MAP3K13: variants seen among roughly 807,000 people sequenced by gnomAD.
MAP3K13 encodes the protein leucine zipper-bearing kinase.
Under a neutral mutation model 104.0 loss-of-function variants are expected in MAP3K13, and 52 were observed. That is an observed-to-expected ratio of 0.50 (90% CI 0.40 to 0.63). The LOEUF is 0.63. MAP3K13 is among the 20% of genes least tolerant of loss of function. The pLI is 0.00. For synonymous variants in MAP3K13, 394 were observed against 442.2 expected (o/e 0.89, Z 1.37); for missense variants, 914 against 1,218.5 (o/e 0.75, Z 3.72).
rs530394848 is a variant in MAP3K13, at chr3:185,376,881, A to T, written c.-86+13513A>T. On this transcript the variant is annotated intron_variant, in intron 1 of 13. Coordinates refer to ENST00000265026, the MANE Select transcript of MAP3K13 (RefSeq NM_004721.5). ...AAGAAATTTGGGTTTGACTAAAGTA[A>T]TGGGGGCTGTCTGTGAAGCCTTGTG... Among the ~76,000 whole-genome samples the T allele has an allele frequency of 4.7e-4, 71 of 152,282 alleles. No homozygotes were observed. In the Middle Eastern group the frequency reaches 0.01, roughly 22 times the overall value.
intron 2 of MAP3K13, chr3:185,292,875 T>C (rs770711382): frequency 1.5e-5 from 15 of 984,112 alleles, no homozygotes; most frequent in Admixed American, 6.1e-5. Context: ...ATGGGAGTTA[T>C]AGATTATAAC....
At chr3:185,428,466 T>G in intron 1 of MAP3K13, 31 bp from the exon 2 acceptor site, 1 of 1,370,872 alleles carries the variant, frequency 7.3e-7, no homozygotes, top group Non-Finnish European at 9.7e-7. Context: ...AAAGAAAGGA[T>G]GATCTCTTAT....
At position 185,473,761 on chromosome 3, in the gene MAP3K13, G is replaced by T; in HGVS notation, c.2430G>T (p.Lys810Asn). Residue 810 changes from lysine (K) to asparagine (N), a missense_variant and splice_region_variant, in exon 11 of 14, where the codon AAG (lysine) becomes AAT (asparagine). Transcript: ENST00000265026. The surrounding 1 kb of genome is among the most constrained non-coding windows in gnomAD (Gnocchi z 4.9). ...CTCGAAAAACAAGGCCTCTGCAGAA[G>T]GTAAAGTGTAATGATGAGAGTGGCC... ...ALPRKTRPLQKSGDDSSEEEE... is the reference protein window; with the variant it reads ...ALPRKTRPLQNSGDDSSEEEE... 1 of 1,611,374 alleles carries T rather than the reference G, an allele frequency of 6.2e-7. No homozygotes were observed.
At chr3:185,414,439 C>T (rs1032666749) in intron 1 of MAP3K13, among the ~76,000 whole-genome samples, 4 of 152,176 alleles carry the variant, frequency 2.6e-5, no homozygotes, top group Admixed American at 6.5e-5. Flanking sequence ...CTCTTACAAA[C>T]TTATGAGACT....
rs56315431 is a variant in MAP3K13 at position 185,443,580 on chromosome 3, T to C, written c.795T>C (p.Ser265=). Residue 265 remains serine (S), a synonymous_variant, in exon 4 of 14, where the codon AGT becomes AGC. Transcript: ENST00000265026. ...LLVDWSTGIA[S]GMNYLHLHKI... ...TAGACTGGTCCACAGGAATTGCAAG[T>C]GGAATGAATTATTTGCACCTCCATA... 4.3e-6 allele frequency: 7 copies of C among 1,614,030 alleles called. No homozygotes were observed. The East Asian group carries it at 1.1e-4, about 26-fold the overall frequency.
Position 185,482,346 on chromosome 3 carries a change from C to T in MAP3K13, c.2800-9C>T. On this transcript the variant is annotated splice_polypyrimidine_tract_variant and intron_variant, in intron 13 of 13. Coordinates refer to ENST00000265026, the MANE Select transcript of MAP3K13 (RefSeq NM_004721.5). The surrounding 1 kb of genome is among the most constrained non-coding windows in gnomAD (Gnocchi z 4.5). ...CGAAATGAATTAAGGTTTTGTCTTG[C>T]CTTTGCAGAACCCCATGCAGTTTGA... The T allele has an allele frequency of 6.3e-7, 1 of 1,599,984 alleles. No individual in the cohort carries two copies. Among genetic ancestry groups the T allele is most frequent in the Non-Finnish European group, 8.6e-7 (1 of 1,167,170 alleles).
chr3:185,378,162 C>T (rs1724529118), intron 1 of MAP3K13, among the ~76,000 whole-genome samples: 1 of 152,194 alleles, frequency 6.6e-6, no homozygotes, highest in Non-Finnish European at 1.5e-5. Flanking sequence ...TATTATTGTA[C>T]ACCTTGAAGG....
At chr3:185,303,559 G>A (rs1300980202) in intron 2 of MAP3K13, among the ~76,000 whole-genome samples, 2 of 151,256 alleles carry the variant, frequency 1.3e-5, no homozygotes, top group Non-Finnish European at 2.9e-5. Context: ...TAGGTTGTAT[G>A]TTTCTAGAAA....
Position 185,418,119 on chromosome 3 carries a change from G to A in MAP3K13, c.-85-10378G>A. 1 of 1,609,176 alleles carries A rather than the reference G, an allele frequency of 6.2e-7. No homozygotes were observed. Among genetic ancestry groups the A allele is most frequent in the Non-Finnish European group, 8.5e-7 (1 of 1,177,220 alleles). Reference sequence around the variant, plus strand: ...GAGTAATTCCAGGGATGTTTCTGAAGGCCTTGATGATACCATTATCCTCAT... The same window carrying A: ...GAGTAATTCCAGGGATGTTTCTGAAAGCCTTGATGATACCATTATCCTCAT... On this transcript the variant is annotated intron_variant, in intron 1 of 13. Transcript: ENST00000265026. This position sits in a 1 kb window ranked among gnomAD's most constrained non-coding sequence, Gnocchi z 4.5.
intron 7 of MAP3K13, among the ~76,000 whole-genome samples, chr3:185,454,513 ATG>A (rs1716182272): frequency 1.0e-5 from 1 of 99,672 alleles, no homozygotes; most frequent in East Asian, 2.5e-4. Context: ...TGAGATATAT[ATG>A]ATATATACCA....
chr3:185,453,553 G>C (rs925932987), intron 7 of MAP3K13, among the ~76,000 whole-genome samples: 5 of 151,700 alleles, frequency 3.3e-5, no homozygotes, highest in Non-Finnish European at 5.9e-5. Flanking sequence ...GGCAGATCAC[G>C]AGGTCAAGAG....
chr3:185,402,897 C>G (rs920197014), intron 1 of MAP3K13, among the ~76,000 whole-genome samples: 1 of 152,168 alleles, frequency 6.6e-6, no homozygotes, highest in Non-Finnish European at 1.5e-5. Flanking sequence ...TTCAATTCCC[C>G]CCTGGCTGAA....
In MAP3K13 at chr3:185,325,720, T is replaced by C. The variant is rs150397987; in HGVS notation, c.-86+40077T>C. ...TCAGGTTCAAGTGTTCCCTTGTCAA[T>C]CACATTCTGTCCTTTGGCTGCTGAA... is the stretch of plus-strand genomic sequence containing the variant. On this transcript the variant is annotated intron_variant, in intron 2 of 14. Coordinates refer to the MAP3K13 transcript ENST00000424227. Among the ~76,000 whole-genome samples, 319 of 152,300 alleles carry C rather than the reference T, an allele frequency of 2.1e-3. 1 individual carries two copies. Among genetic ancestry groups the C allele is most frequent in the African/African-American group, 7.0e-3 (291 of 41,560 alleles).
intron 8 of MAP3K13, 133 bp downstream of exon 8, chr3:185,463,792 AG>A: frequency 1.9e-6 from 1 of 533,794 alleles, no homozygotes; most frequent in South Asian, 3.5e-5. Flanking sequence ...GCTCTTTAAA[AG>A]TTGCCCCAAA....
chr3:185,473,620 T>C lies in MAP3K13; in HGVS notation c.2289T>C (p.His763=), dbSNP rs142938772. 3.6e-4 allele frequency: 575 copies of C among 1,614,200 alleles called. 2 individuals carry two copies. In the Middle Eastern group the frequency reaches 3.8e-3, roughly 11 times the overall value. ...RSPDLSKSPA[H]NPLLENAQSS... is the part of the protein sequence containing the mutation. ...CTGACCTTTCCAAGTCACCAGCACA[T>C]AATCCTCTCTTGGAAAACGCCCAGA... The change falls in exon 11 of 14, where the codon CAT becomes CAC. Residue 763 remains histidine (H), a synonymous_variant. Coordinates refer to ENST00000265026, the MANE Select transcript of MAP3K13 (RefSeq NM_004721.5). This position sits in a 1 kb window ranked among gnomAD's most constrained non-coding sequence, Gnocchi z 4.9.
In MAP3K13 at chr3:185,474,913, G is replaced by A. The variant is rs371450045; in HGVS notation, c.2430+1152G>A. 2.9e-3 allele frequency among the ~76,000 whole-genome samples: 443 copies of A among 152,118 alleles called. 1 individual carries two copies. Among genetic ancestry groups the A allele is most frequent in the African/African-American group, 0.01 (427 of 41,508 alleles). On this transcript the variant is annotated intron_variant, in intron 11 of 13. Transcript: ENST00000265026. ...AGTTCAAGACCAGCCTGGCCAGCAT[G>A]GTGAAATCCTATCTCTACCAAAAAT...
At chr3:185,444,343 A>AT (rs35036373) in intron 4 of MAP3K13, among the ~76,000 whole-genome samples, 122,416 of 151,496 alleles carry the variant, frequency 0.81, 50,722 homozygotes, top group East Asian at 0.91. Flanking sequence ...CTCAAAAAAA[A>AT]AATAATAAAA....
chr3:185,285,513 T>C, intron 1 of MAP3K13: 1 of 990,942 alleles, frequency 1.0e-6, no homozygotes. Context: ...CTTGAGGTTT[T>C]TAGTTTTGCA....
chr3:185,350,160 C>T lies in MAP3K13; in HGVS notation c.-86+64517C>T, dbSNP rs548994327. ...TCGTATTTTCTATATTTCCAAAGCA[C>T]TTCTGTTATCACAACTGCTTCTATG... On this transcript the variant is annotated intron_variant, in intron 2 of 14. Coordinates refer to the MAP3K13 transcript ENST00000424227. Among the ~76,000 whole-genome samples, 10 of 152,296 alleles carry T rather than the reference C, an allele frequency of 6.6e-5. No individual in the cohort carries two copies. The South Asian group carries it at 2.1e-3, about 32-fold the overall frequency.
Sources: allele counts gnomAD v4.1 joint callset (sites outside exome capture counted in the v4.1 genomes callset), GRCh38; gene constraint gnomAD v4.1.1; non-coding constraint Gnocchi (gnomAD v3.1); transcripts MANE v1.5; gene names NCBI Gene and HGNC (gene_info 2026-07-23, HGNC 2026-07-21).